Variants in CDC25B observed in about 807,000 individuals in gnomAD.
CDC25B encodes the protein M-phase inducer phosphatase 2.
In CDC25B, 33 loss-of-function variants were observed where a neutral mutation model predicts 69.8. That is an observed-to-expected ratio of 0.47 (90% CI 0.36 to 0.63). The LOEUF is 0.63. Among genes scored for constraint, CDC25B ranks in the 30% least tolerant of loss-of-function variants. The pLI, the probability that CDC25B is intolerant of heterozygous loss-of-function variation, is 0.00. For synonymous variants in CDC25B, 341 were observed against 314.6 expected (o/e 1.08, Z -0.89); for missense variants, 727 against 809.1 (o/e 0.90, Z 1.23).
At chr20:3,790,336 T>C (rs1458036575) in intron 1 of CDC25B, among the ~76,000 whole-genome samples, 1 of 151,644 alleles carries the variant, frequency 6.6e-6, no homozygotes, top group Non-Finnish European at 1.5e-5. Context: ...AAGTGTACAG[T>C]TCACAGATGT....
chr20:3,788,777 CTCTT>C lies in CDC25B; in HGVS notation c.8+1642_8+1645del, dbSNP rs1298945244. Among the ~76,000 whole-genome samples, 12 of 150,598 alleles carry C rather than the reference CTCTT, an allele frequency of 8.0e-5. No individual in the cohort carries two copies. In the East Asian group the frequency reaches 1.4e-3, roughly 17 times the overall value. On this transcript the variant is annotated intron_variant, in intron 1 of 15. Coordinates refer to the CDC25B transcript ENST00000344256. ...CCTTCCTTCCTTCCCTTCTTTCTTT[CTCTT>C]TCTCTCTTTTCCTTCCTTTCCTTCT...
upstream of CDC25B, among the ~76,000 whole-genome samples, chr20:3,795,556 C>A (rs998744760): frequency 6.6e-6 from 1 of 152,314 alleles, no homozygotes; most frequent in Admixed American, 6.5e-5. Flanking sequence ...CCTCCTCGAC[C>A]CCCAGCCGCG....
Position 3,805,301 on chromosome 20 carries a change from G to T in CDC25B, c.*340G>T, listed in dbSNP as rs1335841083. On this transcript the variant is annotated 3_prime_UTR_variant, in exon 16 of 16. Coordinates refer to ENST00000245960, the MANE Select transcript of CDC25B (RefSeq NM_021873.4). ...CCTGTGTCCTGAAACGCTCCTTTGT[G>T]TGTGTGTCAGCTGAGGCTGGGGGAG... is the stretch of plus-strand genomic sequence containing the variant. 5.9e-6 allele frequency: 2 copies of T among 341,690 alleles called. No homozygotes were observed. Among genetic ancestry groups the T allele is most frequent in the Non-Finnish European group, 1.1e-5 (2 of 182,290 alleles). The allele number at this position is 341,690 out of a possible 1,614,324, so 21.2% of individuals were successfully genotyped here. A position where few individuals can be genotyped will look rare whatever the true frequency, so the allele number is the denominator to read the frequency against.
intron 5 of CDC25B, 86 bp downstream of exon 5, chr20:3,800,584 C>T (rs2089241622): frequency 1.3e-6 from 2 of 1,586,688 alleles, no homozygotes; most frequent in Non-Finnish European, 1.7e-6. Context: ...GGATCACCTC[C>T]CAGCTGGGTG....
At chr20:3,792,666 C>T (rs368934143), upstream of CDC25B, among the ~76,000 whole-genome samples, 772 of 152,300 alleles carry the variant, frequency 5.1e-3, 7 homozygotes, top group African/African-American at 0.015. Flanking sequence ...CAGGTTTTCA[C>T]CATGTCGGCC....
upstream of CDC25B, among the ~76,000 whole-genome samples, chr20:3,795,498 A>C (rs915977803): frequency 1.3e-5 from 2 of 152,252 alleles, no homozygotes; most frequent in Admixed American, 1.3e-4. Flanking sequence ...AAGTTAGCCA[A>C]ATCATCAATG....
intron 1 of CDC25B, among the ~76,000 whole-genome samples, chr20:3,788,141 A>AG (rs1401416521): frequency 7.5e-5 from 9 of 119,870 alleles, no homozygotes; most frequent in South Asian, 2.6e-4. Flanking sequence ...CATCTCAAAA[A>AG]AAAAGAAAGA....
chr20:3,801,171 A>G (rs1209740360), intron 7 of CDC25B, 78 bp downstream of exon 7: 2 of 1,604,640 alleles, frequency 1.2e-6, no homozygotes, highest in Non-Finnish European at 1.7e-6. Flanking sequence ...CTGAACCCCC[A>G]GGCACTGGGA....
At chr20:3,800,904 A>C (rs1408619744) in intron 6 of CDC25B, 39 bp downstream of exon 6, 1 of 1,612,876 alleles carries the variant, frequency 6.2e-7, no homozygotes, top group Non-Finnish European at 8.5e-7. Flanking sequence ...CTCTCCGGGA[A>C]GAGGAGGGGG....
At chr20:3,799,719 GCA>G (rs2089206973) in intron 3 of CDC25B, among the ~76,000 whole-genome samples, 1 of 152,100 alleles carries the variant, frequency 6.6e-6, no homozygotes, top group African/African-American at 2.4e-5. Context: ...ATGTGAGCCT[GCA>G]CGTTTGTCAC....
chr20:3,790,308 ATACAATTCACCCATT>A (rs1453006445), intron 1 of CDC25B, among the ~76,000 whole-genome samples: 1 of 151,730 alleles, frequency 6.6e-6, no homozygotes, highest in Non-Finnish European at 1.5e-5. Context: ...TTCAAGAAGC[ATACAATTCACCCATT>A]TAAAGTGTAC....
In CDC25B at chr20:3,796,431, A is replaced by G. The variant is rs867321165; in HGVS notation, c.-101A>G. On this transcript the variant is annotated 5_prime_UTR_variant, in exon 1 of 16. Coordinates refer to ENST00000245960, the MANE Select transcript of CDC25B (RefSeq NM_021873.4). ...TCCCTCCCTCCTTCCCCCCCCCCCC[A>G]CCCCTCGCCCGCTGCCTCCCTCGGC... The G allele has an allele frequency of 5.9e-5, 3 of 51,152 alleles. No homozygotes were observed. The highest frequency in any genetic ancestry group is 3.0e-4 in the South Asian group (1 of 3,358). 3.2% of individuals were successfully genotyped at this position (51,152 alleles called of 1,614,324 possible). A position where few individuals can be genotyped will look rare whatever the true frequency, so the allele number is the denominator to read the frequency against.
rs1404860670 is a variant in CDC25B at position 3,796,546 on chromosome 20, G to A, written c.15G>A (p.Gln5=). Residue 5 remains glutamine (Q), a synonymous_variant, in exon 1 of 16, where the codon CAG becomes CAA. Transcript: ENST00000245960. MEVP[Q]PEPAPGSALS... ...GCCCCGCCGCGATGGAGGTGCCCCAGCCGGAGCCCGCGCCAGGCTCGGCTC... is the reference window on the plus strand; with the variant it reads ...GCCCCGCCGCGATGGAGGTGCCCCAACCGGAGCCCGCGCCAGGCTCGGCTC... 2.0e-6 allele frequency: 3 copies of A among 1,481,442 alleles called. No homozygotes were observed. In the African/African-American group the frequency reaches 4.4e-5, roughly 22 times the overall value. 91.8% of individuals were successfully genotyped at this position (1,481,442 alleles called of 1,614,324 possible).
upstream of CDC25B, among the ~76,000 whole-genome samples, chr20:3,795,333 G>A (rs1321018449): frequency 6.6e-6 from 1 of 150,762 alleles, no homozygotes; most frequent in African/African-American, 2.5e-5. Flanking sequence ...CACTCCAGCC[G>A]GGTTGACAGA....
At chr20:3,789,414 G>A (rs2088876279) in intron 1 of CDC25B, among the ~76,000 whole-genome samples, 1 of 152,074 alleles carries the variant, frequency 6.6e-6, no homozygotes, top group South Asian at 2.1e-4. Context: ...GTGTTGCCCA[G>A]GCTGGGAGTG....
upstream of CDC25B, among the ~76,000 whole-genome samples, chr20:3,792,447 C>A (rs1389111854): frequency 6.6e-6 from 1 of 152,056 alleles, no homozygotes; most frequent in African/African-American, 2.4e-5. Context: ...CCTCAGCCTC[C>A]AGAGTCACTT....
In CDC25B at chr20:3,802,055, G is replaced by A. The variant is rs2228465; in HGVS notation, c.1053G>A (p.Arg351=). 0.032 allele frequency: 50,703 copies of A among 1,566,336 alleles called. 944 individuals are homozygous for A. Among genetic ancestry groups the A allele is most frequent in the African/African-American group, 0.046 (3,387 of 73,714 alleles). ...DRDTPVQNKR[R]RSVTPPEEQQ... ...ACACGCCCGTGCAGAATAAGCGGAG[G>A]CGGAGCGTGACCCCTCCTGAGGAGC... The change falls in exon 10 of 16, where the codon AGG becomes AGA. Residue 351 remains arginine (R), a synonymous_variant. Coordinates refer to ENST00000245960, the MANE Select transcript of CDC25B (RefSeq NM_021873.4).
chr20:3,792,798 C>T (rs1165820359), upstream of CDC25B, among the ~76,000 whole-genome samples: 1 of 152,110 alleles, frequency 6.6e-6, no homozygotes, highest in Admixed American at 6.5e-5. Context: ...GGCCACCACA[C>T]CGGGCTAAGT....
chr20:3,804,216 CT>C (rs1395395135), intron 14 of CDC25B, among the ~76,000 whole-genome samples: 1 of 152,236 alleles, frequency 6.6e-6, no homozygotes, highest in African/African-American at 2.4e-5. Context: ...ACCACTGATC[CT>C]CACCAGGTCT....
Sources: gnomAD v4.1 joint callset for allele counts (sites outside exome capture counted in the v4.1 genomes callset) on GRCh38, gnomAD v4.1.1 for gene constraint, MANE v1.5 for transcripts, NCBI Gene and HGNC (gene_info 2026-07-23, HGNC 2026-07-21) for gene names.